Variants in KLRD1 observed in about 807,000 individuals in gnomAD.
KLRD1 encodes killer cell lectin like receptor D1, also known as natural killer cells antigen CD94.
KLRD1 carries 21 observed loss-of-function variants against 22.6 expected under a neutral mutation model. That is an observed-to-expected ratio of 0.93 (90% confidence interval 0.66 to 1.34). The LOEUF is 1.34. Among genes scored for constraint, KLRD1 ranks in the 40% most tolerant of loss-of-function variants. The pLI is 0.00. For synonymous variants in KLRD1, 59 were observed against 71.1 expected (o/e 0.83, Z 0.85); for missense variants, 183 against 208.6 (o/e 0.88, Z 0.76).
At chr12:10,278,555 C>T (rs1411519823) in intron 1 of KLRD1, among the ~76,000 whole-genome samples, 1 of 152,158 alleles carries the variant, frequency 6.6e-6, no homozygotes, top group Non-Finnish European at 1.5e-5. Context: ...AGTCCCTGAA[C>T]TAGTGCTGTC....
chr12:10,315,947 G>C lies in KLRD1; in HGVS notation c.*1154G>C, dbSNP rs1396282086. On this transcript the variant is annotated 3_prime_UTR_variant, in exon 6 of 6. Coordinates refer to ENST00000336164, the MANE Select transcript of KLRD1 (RefSeq NM_002262.5). ...AGCCTGGCCAACATGGTGAAACCCT[G>C]TCTCTACTAAAAATACAAAAATTGG... The C allele has an allele frequency of 6.6e-6, 1 of 151,650 alleles. No individual in the cohort carries two copies. Among genetic ancestry groups the C allele is most frequent in the Non-Finnish European group, 1.5e-5 (1 of 67,922 alleles). 9.4% of individuals were successfully genotyped at this position (151,650 alleles called of 1,614,324 possible). A position where few individuals can be genotyped will look rare whatever the true frequency, so the allele number is the denominator to read the frequency against.
At chr12:10,298,687 C>T (rs1187331958) in intron 1 of KLRD1, among the ~76,000 whole-genome samples, 6 of 152,356 alleles carry the variant, frequency 3.9e-5, no homozygotes, top group Middle Eastern at 3.4e-3. Flanking sequence ...ATAGCATGAG[C>T]GATCTGTGCC....
chr12:10,311,002 T>A, intron 3 of KLRD1, among the ~76,000 whole-genome samples: 1 of 152,180 alleles, frequency 6.6e-6, no homozygotes. Context: ...ATCAAAATTC[T>A]CCAAATGTAC....
intron 1 of KLRD1, among the ~76,000 whole-genome samples, chr12:10,260,515 A>C (rs1949441601): frequency 6.6e-6 from 1 of 152,112 alleles, no homozygotes; most frequent in Non-Finnish European, 1.5e-5. Context: ...ATAAAAACAA[A>C]TTTTAGGCCA....
rs1950322726 is a variant in KLRD1, at chr12:10,322,738, A to G, written c.*7945A>G. On this transcript the variant is annotated 3_prime_UTR_variant, in exon 6 of 6. Coordinates refer to ENST00000336164, the MANE Select transcript of KLRD1 (RefSeq NM_002262.5). ...ACCTATCTTAAATTTACTCGTAAACATTTAAGCTATGTCTACACTTACACG... is the reference window on the plus strand; with the variant it reads ...ACCTATCTTAAATTTACTCGTAAACGTTTAAGCTATGTCTACACTTACACG... 1 of 152,230 alleles carries G rather than the reference A, an allele frequency of 6.6e-6. No individual in the cohort carries two copies. Among genetic ancestry groups the G allele is most frequent in the Admixed American group, 6.5e-5 (1 of 15,284 alleles). 9.4% of individuals were successfully genotyped at this position (152,230 alleles called of 1,614,324 possible). A position where few individuals can be genotyped will look rare whatever the true frequency, so the allele number is the denominator to read the frequency against.
At chr12:10,266,242 G>T (rs1241669118) in intron 1 of KLRD1, among the ~76,000 whole-genome samples, 2 of 152,076 alleles carry the variant, frequency 1.3e-5, no homozygotes, top group Non-Finnish European at 2.9e-5. Flanking sequence ...TAAAGTATAA[G>T]TAAATGTAAA....
Position 10,327,383 on chromosome 12 carries a change from T to G in KLRD1, c.*12590T>G, listed in dbSNP as rs1950370600. The G allele has an allele frequency of 6.6e-6, 1 of 152,210 alleles. No individual in the cohort carries two copies. Among genetic ancestry groups the G allele is most frequent in the Non-Finnish European group, 1.5e-5 (1 of 68,026 alleles). 9.4% of individuals were successfully genotyped at this position (152,210 alleles called of 1,614,324 possible). On this transcript the variant is annotated 3_prime_UTR_variant, in exon 6 of 6. Transcript: ENST00000336164. ...ATTTGTTTGGCTATTCAGGGCTTTTTGTGGTTCCATGTATATTTTAGTATC... is the reference window on the plus strand; with the variant it reads ...ATTTGTTTGGCTATTCAGGGCTTTTGGTGGTTCCATGTATATTTTAGTATC...
chr12:10,243,953 C>T (rs1450636596), intron 1 of KLRD1, among the ~76,000 whole-genome samples: 2 of 152,158 alleles, frequency 1.3e-5, no homozygotes, highest in African/African-American at 4.8e-5. Context: ...GTACCTCACA[C>T]GAGAGCTTCA....
In KLRD1 at chr12:10,329,567, TG is replaced by T. The variant is rs1950392144; in HGVS notation, c.*14776del. The T allele has an allele frequency of 6.6e-6, 1 of 152,202 alleles. No individual in the cohort carries two copies. The highest frequency in any genetic ancestry group is 2.4e-5 in the African/African-American group (1 of 41,448). 9.4% of individuals were successfully genotyped at this position (152,202 alleles called of 1,614,324 possible). The stretch of plus-strand genomic sequence containing the variant: ...TCTGGGTCTTTGTTGCCTTTATGTT[TG>T]GTTGTTCTATCCATTATTAAAAGTG... On this transcript the variant is annotated 3_prime_UTR_variant, in exon 6 of 6. Coordinates refer to ENST00000336164, the MANE Select transcript of KLRD1 (RefSeq NM_002262.5).
At chr12:10,305,186 AC>A (rs1343818669), upstream of KLRD1, among the ~76,000 whole-genome samples, 2 of 152,192 alleles carry the variant, frequency 1.3e-5, no homozygotes, top group Non-Finnish European at 2.9e-5. Context: ...ACTTGCTCTT[AC>A]CAAGGGCACT....
intron 1 of KLRD1, 165 bp downstream of exon 1, chr12:10,308,249 C>A: frequency 1.6e-6 from 1 of 629,068 alleles, no homozygotes. Flanking sequence ...TTTCCTGATT[C>A]TTCATTGTAT....
chr12:10,242,943 C>G (rs190536651), intron 1 of KLRD1, among the ~76,000 whole-genome samples: 186 of 152,220 alleles, frequency 1.2e-3, no homozygotes, highest in Admixed American at 3.3e-3. Context: ...AAATACTATT[C>G]ACCCTTAAAA....
At position 10,256,200 on chromosome 12, in the gene KLRD1, T is replaced by C. The variant is rs114545425; in HGVS notation, c.-101+29967T>C. On this transcript the variant is annotated intron_variant, in intron 1 of 5. Coordinates refer to the KLRD1 transcript ENST00000544747. The stretch of plus-strand genomic sequence containing the variant: ...TTTCATTTTCAACTTATATGTGTTT[T>C]CAGGTCTGAAGTGAGTCTTTTATAG... Among the ~76,000 whole-genome samples the C allele has an allele frequency of 8.0e-3, 1,211 of 152,134 alleles. 21 individuals are homozygous for C. The highest frequency in any genetic ancestry group is 0.028 in the African/African-American group (1,157 of 41,528).
intron 1 of KLRD1, among the ~76,000 whole-genome samples, chr12:10,272,413 T>C (rs148911191): frequency 1.4e-4 from 21 of 152,362 alleles, no homozygotes; most frequent in African/African-American, 5.0e-4. Flanking sequence ...TGAACTCATT[T>C]ATAAAGACAA....
intron 1 of KLRD1, among the ~76,000 whole-genome samples, chr12:10,265,522 C>T (rs139393569): frequency 5.3e-5 from 8 of 152,250 alleles, no homozygotes; most frequent in Admixed American, 2.0e-4. Context: ...TTTGGGAGGC[C>T]GATGCGGGTG....
intron 1 of KLRD1, among the ~76,000 whole-genome samples, chr12:10,282,258 ATTT>A (rs753332995): frequency 7.0e-6 from 1 of 143,492 alleles, no homozygotes; most frequent in Non-Finnish European, 1.5e-5. Flanking sequence ...GTATACATAC[ATTT>A]TTTTTTTTTT....
rs1592105227 is a variant in KLRD1 at position 10,325,416 on chromosome 12, T to C, written c.*10623T>C. The C allele has an allele frequency of 6.6e-6, 1 of 152,298 alleles. No individual in the cohort carries two copies. Among genetic ancestry groups the C allele is most frequent in the East Asian group, 1.9e-4 (1 of 5,186 alleles). The allele number at this position is 152,298 out of a possible 1,614,324, so 9.4% of individuals were successfully genotyped here. On this transcript the variant is annotated 3_prime_UTR_variant, in exon 6 of 6. Transcript: ENST00000336164. The stretch of plus-strand genomic sequence containing the variant: ...TATCCTCTTAACAAATTTTCAAGTC[T>C]ACAGTACAGTATTATTAACAATAGG...
chr12:10,298,041 A>G (rs1230438700), intron 1 of KLRD1, among the ~76,000 whole-genome samples: 3 of 152,222 alleles, frequency 2.0e-5, no homozygotes, highest in Non-Finnish European at 4.4e-5. Flanking sequence ...CTTTTATGAT[A>G]ATGGTACATA....
chr12:10,269,898 GT>G (rs1949533748), intron 1 of KLRD1, among the ~76,000 whole-genome samples: 1 of 152,104 alleles, frequency 6.6e-6, no homozygotes, highest in Non-Finnish European at 1.5e-5. Context: ...TGCAGATTCA[GT>G]TTGATATCTT....
Sources: gnomAD v4.1 joint callset for allele counts (sites outside exome capture counted in the v4.1 genomes callset) on GRCh38, gnomAD v4.1.1 for gene constraint, MANE v1.5 for transcripts, NCBI Gene and HGNC (gene_info 2026-07-23, HGNC 2026-07-21) for gene names.